Variants in POLR1C observed in about 807,000 individuals in gnomAD.
POLR1C encodes DNA-directed RNA polymerases I and III subunit RPAC1.
A neutral mutation model predicts 38.3 loss-of-function variants in POLR1C; 42 were observed. The observed-to-expected ratio is 1.10, with a 90% CI of 0.86 to 1.42. The LOEUF (loss-of-function observed/expected upper bound fraction) is 1.42, where lower values mean the gene tolerates loss of function less well. POLR1C is among the 40% of genes most tolerant of loss of function. The pLI is 0.00. For synonymous variants in POLR1C, 163 were observed against 163.9 expected (o/e 0.99, Z 0.04); for missense variants, 507 against 450.5 (o/e 1.13, Z -1.14).
At chr6:43,525,029 GTTC>G, downstream of POLR1C, 1 of 1,591,784 alleles carries the variant, frequency 6.3e-7, no homozygotes, top group Non-Finnish European at 8.6e-7. Context: ...CAGCACCCCA[GTTC>G]TTCTGAATGA....
exon 11 of POLR1C, chr6:43,562,149 A>G: frequency 1.1e-6 from 1 of 899,744 alleles, no homozygotes; most frequent in Admixed American, 2.4e-5. Flanking sequence ...CCATCAGGCT[A>G]AAATCAATGA....
chr6:43,558,718 T>A (rs1380113552), intron 10 of POLR1C: 10 of 662,782 alleles, frequency 1.5e-5, no homozygotes, highest in Non-Finnish European at 2.5e-5. Context: ...TATTGTATGG[T>A]AAATATCCAC....
intron 6 of POLR1C, 95 bp downstream of exon 6, chr6:43,520,522 A>G: frequency 6.2e-7 from 1 of 1,600,768 alleles, no homozygotes; most frequent in Non-Finnish European, 8.6e-7. Context: ...CCCGGCAGGT[A>G]GAAAGCCAAG....
At chr6:43,544,082 A>T (rs887675636) in intron 9 of POLR1C, 1 of 152,658 alleles carries the variant, frequency 6.6e-6, no homozygotes, top group African/African-American at 2.4e-5. Context: ...ATGCCTTTTG[A>T]TTGATTTTTG....
rs58633664 is a variant in POLR1C, at chr6:43,562,183, A to G, written c.*832A>G. ...GACATTTGCAACCCCTCATTGAAACATAAGTTTCTAAATGCTCTTCCCAAA... is the reference window on the plus strand; with the variant it reads ...GACATTTGCAACCCCTCATTGAAACGTAAGTTTCTAAATGCTCTTCCCAAA... On this transcript the variant is annotated 3_prime_UTR_variant, in exon 11 of 11. Transcript: ENST00000607635. 1.2e-3 allele frequency: 1,644 copies of G among 1,363,386 alleles called. 17 individuals are homozygous for G. The African/African-American group carries it at 0.019, about 16-fold the overall frequency. The allele number at this position is 1,363,386 out of a possible 1,614,324, so 84.5% of individuals were successfully genotyped here.
chr6:43,549,605 G>A, intron 9 of POLR1C: 2 of 1,607,050 alleles, frequency 1.2e-6, no homozygotes, highest in South Asian at 1.1e-5. Flanking sequence ...AACAAACTCG[G>A]AGCTGCTTTT....
intron 9 of POLR1C, chr6:43,549,473 G>C: frequency 8.2e-6 from 13 of 1,586,678 alleles, no homozygotes; most frequent in Non-Finnish European, 1.1e-5. Context: ...ACTTCAGCCA[G>C]GGTCCAGCAG....
At chr6:43,522,830 C>T (rs1043571321), downstream of POLR1C, 4 of 317,902 alleles carry the variant, frequency 1.3e-5, no homozygotes, top group Admixed American at 6.7e-5. Flanking sequence ...GGCCAGGTCC[C>T]GTATCCATGT....
At chr6:43,534,081 A>C, downstream of POLR1C, 1 of 1,170,476 alleles carries the variant, frequency 8.5e-7, no homozygotes, top group African/African-American at 1.5e-5. Flanking sequence ...CTTGTAATCC[A>C]GTGATACTAC....
At position 43,517,329 on chromosome 6, in the gene POLR1C, T is replaced by C; in HGVS notation, c.93T>C (p.Gly31=). The C allele has an allele frequency of 6.2e-7, 1 of 1,614,156 alleles. No individual in the cohort carries two copies. Among genetic ancestry groups the C allele is most frequent in the African/African-American group, 1.3e-5 (1 of 75,032 alleles). The part of the protein sequence containing the change: ...VRNVHTTDFP[G]NYSGYDDAWD... ...AGGTCCATACTACTGACTTTCCCGG[T>C]AACTATTCCGGTTATGATGATGCCT... Residue 31 remains glycine, a synonymous_variant, in exon 2 of 9, where the codon GGT becomes GGC. Coordinates refer to ENST00000642195, the MANE Select transcript of POLR1C (RefSeq NM_203290.4).
chr6:43,519,248 T>G, intron 2 of POLR1C, 85 bp from the exon 3 acceptor site: 1 of 826,030 alleles, frequency 1.2e-6, no homozygotes, highest in East Asian at 2.6e-5. Flanking sequence ...AGGATAATAC[T>G]TGAGGGAATT....
At chr6:43,525,032 C>G (rs1036427409), downstream of POLR1C, 2 of 1,589,554 alleles carry the variant, frequency 1.3e-6, no homozygotes, top group Non-Finnish European at 1.7e-6. Context: ...CACCCCAGTT[C>G]TTCTGAATGA....
downstream of POLR1C, among the ~76,000 whole-genome samples, chr6:43,533,199 C>T (rs1794095797): frequency 7.0e-6 from 1 of 141,850 alleles, no homozygotes; most frequent in East Asian, 2.1e-4. Context: ...CCTTTAAAAA[C>T]TTTGATACCT....
downstream of POLR1C, chr6:43,525,966 GAGA>G (rs748122643): frequency 4.1e-5 from 65 of 1,599,394 alleles, no homozygotes; most frequent in Non-Finnish European, 4.5e-5. Flanking sequence ...TTTCAGAACA[GAGA>G]AGAATATCTT....
At chr6:43,535,032 C>G (rs1347326547) in intron 9 of POLR1C, among the ~76,000 whole-genome samples, 5 of 151,078 alleles carry the variant, frequency 3.3e-5, no homozygotes, top group African/African-American at 1.2e-4. Flanking sequence ...GTGGCTCATG[C>G]CTGTAATCCC....
downstream of POLR1C, among the ~76,000 whole-genome samples, chr6:43,529,904 T>C (rs1360672364): frequency 3.6e-5 from 4 of 111,324 alleles, no homozygotes; most frequent in Non-Finnish European, 5.3e-5. Flanking sequence ...ACTGAGACCC[T>C]GTCTCAAAAA....
At position 43,555,889 on chromosome 6, in the gene POLR1C, C is replaced by G. The variant is rs200605932; in HGVS notation, c.*48+4878C>G. ...TGATAGTTGATACTTTAGCCACTCCCCAGCCATCTGGAAGCTAGTTTTGGG... is the reference window on the plus strand; with the variant it reads ...TGATAGTTGATACTTTAGCCACTCCGCAGCCATCTGGAAGCTAGTTTTGGG... On this transcript the variant is annotated intron_variant, in intron 10 of 10. Transcript: ENST00000607635. 3.0e-4 allele frequency: 484 copies of G among 1,613,974 alleles called. No individual in the cohort carries two copies. The African/African-American group carries it at 5.4e-3, about 18-fold the overall frequency.
At chr6:43,533,140 C>T (rs1794090497), downstream of POLR1C, among the ~76,000 whole-genome samples, 2 of 147,920 alleles carry the variant, frequency 1.4e-5, no homozygotes, top group Non-Finnish European at 3.0e-5. Flanking sequence ...CTCAAGAAAA[C>T]AAAACAAAAC....
At chr6:43,549,788 C>A (rs1795141123) in intron 9 of POLR1C, 1 of 1,295,548 alleles carries the variant, frequency 7.7e-7, no homozygotes, top group African/African-American at 1.5e-5. Context: ...AATCTACCAC[C>A]CTTACTACCC....
Sources: gnomAD v4.1 joint callset for allele counts (sites outside exome capture counted in the v4.1 genomes callset) on GRCh38, gnomAD v4.1.1 for gene constraint, MANE v1.5 for transcripts, NCBI Gene and HGNC (gene_info 2026-07-23, HGNC 2026-07-21) for gene names.